Variants in FMN2 observed in about 807,000 individuals in gnomAD.
The protein encoded by FMN2 is formin-2.
A neutral mutation model predicts 142.3 loss-of-function variants in FMN2; 51 were observed. That is an observed-to-expected ratio of 0.36 (90% CI 0.29 to 0.45). FMN2 has a LOEUF of 0.45. Ranked by LOEUF, FMN2 falls within the 20% of genes least tolerant of loss-of-function variation. FMN2 has a pLI of 1.00. For synonymous variants in FMN2, 882 were observed against 869.8 expected (o/e 1.01, Z -0.25); for missense variants, 1,936 against 2,122.8 (o/e 0.91, Z 1.73).
intron 15 of FMN2, among the ~76,000 whole-genome samples, chr1:240,400,336 C>T (rs972509178): frequency 2.0e-5 from 3 of 152,128 alleles, no homozygotes; most frequent in African/African-American, 7.2e-5. Flanking sequence ...CTCAGCGCAA[C>T]CGCTGGCCAC....
chr1:240,359,615 A>T (rs981602340), intron 14 of FMN2, among the ~76,000 whole-genome samples: 4 of 152,186 alleles, frequency 2.6e-5, no homozygotes, highest in African/African-American at 4.8e-5. Context: ...ACTGAAGCCA[A>T]GATTTCATGG....
intron 1 of FMN2, among the ~76,000 whole-genome samples, chr1:240,119,863 T>A (rs1247212732): frequency 2.0e-5 from 3 of 152,144 alleles, no homozygotes; most frequent in Non-Finnish European, 1.5e-5. Context: ...ATCTGAGCGG[T>A]AGGAAAGAAT....
chr1:240,124,958 G>A (rs565424702), intron 2 of FMN2, among the ~76,000 whole-genome samples: 6 of 152,230 alleles, frequency 3.9e-5, no homozygotes, highest in East Asian at 3.9e-4. Context: ...GAGCCACTGC[G>A]CCTGGCCGTG....
At chr1:240,250,511 A>G (rs767659135) in intron 6 of FMN2, among the ~76,000 whole-genome samples, 3 of 152,048 alleles carry the variant, frequency 2.0e-5, no homozygotes, top group Non-Finnish European at 2.9e-5. Context: ...GGATTTTTGC[A>G]TCTCTGTTCA....
chr1:240,465,674 C>G (rs1676594780), intron 16 of FMN2, among the ~76,000 whole-genome samples: 1 of 152,196 alleles, frequency 6.6e-6, no homozygotes, highest in East Asian at 1.9e-4. Context: ...GAAATGAAAC[C>G]GTCTGCCACA....
intron 6 of FMN2, chr1:240,245,292 C>T: frequency 2.9e-6 from 1 of 350,338 alleles, no homozygotes; most frequent in Non-Finnish European, 5.6e-6. Context: ...GAAGGCAGTA[C>T]AGAATGCTGG....
intron 7 of FMN2, among the ~76,000 whole-genome samples, chr1:240,259,247 A>G (rs1436659045): frequency 6.6e-6 from 1 of 152,192 alleles, no homozygotes; most frequent in African/African-American, 2.4e-5. Context: ...TCTTTCCTTC[A>G]GTCAAATATT....
At chr1:240,325,127 G>A (rs1671118454) in intron 8 of FMN2, among the ~76,000 whole-genome samples, 1 of 151,978 alleles carries the variant, frequency 6.6e-6, no homozygotes, top group Non-Finnish European at 1.5e-5. Flanking sequence ...CTAGGCTGAG[G>A]CAGGCAAACA....
intron 8 of FMN2, among the ~76,000 whole-genome samples, chr1:240,317,460 C>T (rs1670829145): frequency 6.6e-6 from 1 of 152,092 alleles, no homozygotes; most frequent in Non-Finnish European, 1.5e-5. Context: ...ATAATTTTGT[C>T]ATTTTGAGAA....
intron 15 of FMN2, among the ~76,000 whole-genome samples, chr1:240,427,441 G>T (rs1477325543): frequency 6.6e-6 from 1 of 152,174 alleles, no homozygotes; most frequent in Admixed American, 6.5e-5. Flanking sequence ...TCCTGACCTT[G>T]TGATCTGCCC....
intron 14 of FMN2, among the ~76,000 whole-genome samples, chr1:240,365,033 A>C (rs1672616205): frequency 6.6e-6 from 1 of 152,210 alleles, no homozygotes; most frequent in Admixed American, 6.5e-5. Flanking sequence ...ACCATAATGG[A>C]ATGTAAGTCT....
chr1:240,402,458 G>T (rs1387712965), intron 15 of FMN2, among the ~76,000 whole-genome samples: 1 of 152,192 alleles, frequency 6.6e-6, no homozygotes, highest in Non-Finnish European at 1.5e-5. Context: ...AGGCGGCTGG[G>T]CAGATGAGTC....
intron 2 of FMN2, among the ~76,000 whole-genome samples, chr1:240,149,105 T>A (rs543913007): frequency 1.3e-5 from 2 of 152,214 alleles, no homozygotes; most frequent in Non-Finnish European, 2.9e-5. Flanking sequence ...AATGTGCTTT[T>A]GAAATACAAG....
chr1:240,463,929 C>T (rs934377038), intron 16 of FMN2, among the ~76,000 whole-genome samples: 33 of 151,736 alleles, frequency 2.2e-4, no homozygotes, highest in African/African-American at 7.8e-4. Context: ...TTTGAACCTA[C>T]GAGGCAGAGG....
chr1:240,097,693 TTTTTGTAA>T (rs1394968704), intron 1 of FMN2, among the ~76,000 whole-genome samples: 1 of 152,192 alleles, frequency 6.6e-6, no homozygotes, highest in African/African-American at 2.4e-5. Context: ...TCCCTCAATT[TTTTTGTAA>T]TTTGACTTTT....
intron 6 of FMN2, among the ~76,000 whole-genome samples, chr1:240,214,723 G>T (rs78492633): frequency 1.3e-5 from 2 of 151,982 alleles, no homozygotes; most frequent in Non-Finnish European, 2.9e-5. Flanking sequence ...TTTAATGTTT[G>T]TAATGACCCT....
At chr1:240,434,555 G>GTTTTTTTTTTT (rs57596533) in intron 15 of FMN2, among the ~76,000 whole-genome samples, 6 of 148,170 alleles carry the variant, frequency 4.0e-5, no homozygotes, top group Non-Finnish European at 6.0e-5. Flanking sequence ...TTTGTTTTTT[G>GTTTTTTTTTTT]TTTTTTTTTG....
intron 2 of FMN2, among the ~76,000 whole-genome samples, chr1:240,151,042 G>A (rs5000637): frequency 0.46 from 69,509 of 151,788 alleles, 17,097 homozygotes; most frequent in South Asian, 0.62. Context: ...GTCTATACAT[G>A]GATATTATGG....
intron 14 of FMN2, among the ~76,000 whole-genome samples, chr1:240,357,736 T>A (rs1254621925): frequency 6.6e-6 from 1 of 151,790 alleles, no homozygotes; most frequent in Non-Finnish European, 1.5e-5. Context: ...GCCTCCCGAG[T>A]AGCTGCAATT....
Sources: gnomAD v4.1 joint callset for allele counts (sites outside exome capture counted in the v4.1 genomes callset) on GRCh38, gnomAD v4.1.1 for gene constraint, MANE v1.5 for transcripts, NCBI Gene and HGNC (gene_info 2026-07-23, HGNC 2026-07-21) for gene names.